The following MCF2L2 variants were observed in gnomAD, a reference collection of about 807,000 sequenced individuals.
MCF2L2 encodes probable guanine nucleotide exchange factor MCF2L2.
Under a neutral mutation model 150.2 loss-of-function variants are expected in MCF2L2, and 102 were observed. The ratio of observed to expected loss-of-function variants is 0.68; its 90% confidence interval spans 0.58 to 0.80. The LOEUF (loss-of-function observed/expected upper bound fraction) is 0.80. Ranked by LOEUF, MCF2L2 falls within the 30% of genes least tolerant of loss-of-function variation. The probability of loss-of-function intolerance (pLI) is 0.00; values close to 1 mark genes in which losing one functional copy is unlikely to be tolerated. For missense variants in MCF2L2, 1,256 were observed against 1,372.8 expected (o/e 0.91, Z 1.34); for synonymous variants, 465 against 491.3 (o/e 0.95, Z 0.71).
intron 15 of MCF2L2, among the ~76,000 whole-genome samples, chr3:183,239,261 G>T (rs1413926859): frequency 2.6e-5 from 4 of 152,082 alleles, no homozygotes; most frequent in Non-Finnish European, 5.9e-5. Context: ...TTTGCTTTAC[G>T]TTTCAAAACA....
chr3:183,289,011 T>G (rs1727961871), intron 14 of MCF2L2, 109 bp downstream of exon 14: 11 of 731,686 alleles, frequency 1.5e-5, no homozygotes, highest in Non-Finnish European at 2.4e-5. Flanking sequence ...CTGTGCTATG[T>G]GCCTTAGGTA....
Position 183,207,808 on chromosome 3 carries a change from G to A in MCF2L2, c.2512C>T (p.Leu838=), listed in dbSNP as rs140138240. The change falls in exon 23 of 30, where the codon CTA becomes TTA. Residue 838 remains leucine, a synonymous_variant. Coordinates refer to ENST00000328913, the MANE Select transcript of MCF2L2 (RefSeq NM_015078.4). ...GGGCCGTGCAGCAACAGCTTGCCTA[G>A]TTTTCCAATATCGTCCTTTTGGAAA... ...VTECPDDIGK[L]GKLLLHGPFS... is the part of the protein sequence containing the mutation. 60 of 1,613,920 alleles carry A rather than the reference G, an allele frequency of 3.7e-5. No individual in the cohort carries two copies. In the African/African-American group the frequency reaches 7.7e-4, roughly 21 times the overall value.
Position 183,219,915 on chromosome 3 carries a change from C to G in MCF2L2, c.2311G>C (p.Asp771His), listed in dbSNP as rs752382981. 1.2e-6 allele frequency: 2 copies of G among 1,612,944 alleles called. No individual in the cohort carries two copies. The highest frequency in any genetic ancestry group is 2.7e-5 in the African/African-American group (2 of 74,890). Reference protein sequence around the residue: ...KYQMLLKGLLDFESPEDMEID... With the variant: ...KYQMLLKGLLHFESPEDMEID... ...TCCATATCTTCAGGAGACTCGAAAT[C>G]CAGCAGACCCTGCATTAACCCAAAA... Residue 771 changes from aspartate to histidine, a missense_variant, in exon 21 of 30, where the codon GAT (aspartate) becomes CAT (histidine). Transcript: ENST00000328913.
Position 183,402,420 on chromosome 3 carries a change from T to C in MCF2L2, c.77-12641A>G, listed in dbSNP as rs185360994. Among the ~76,000 whole-genome samples, 107 of 137,792 alleles carry C rather than the reference T, an allele frequency of 7.8e-4. 1 individual carries two copies. The highest frequency in any genetic ancestry group is 2.7e-3 in the African/African-American group (104 of 38,130). 90.4% of individuals were successfully genotyped at this position (137,792 alleles called of 152,430 possible). A position where few individuals can be genotyped will look rare whatever the true frequency, so the allele number is the denominator to read the frequency against. On this transcript the variant is annotated intron_variant, in intron 1 of 29. Transcript: ENST00000328913. ...AGTGAGCCGAGATCACGCCACTGCA[T>C]TCCAGCCTGGGCTACAGAGCGAGAC...
chr3:183,232,572 G>T (rs1723609175), intron 15 of MCF2L2, among the ~76,000 whole-genome samples: 1 of 152,062 alleles, frequency 6.6e-6, no homozygotes, highest in Non-Finnish European at 1.5e-5. Context: ...ATTTATTCTT[G>T]TTAACTATTG....
intron 5 of MCF2L2, among the ~76,000 whole-genome samples, chr3:183,332,033 A>C (rs1222321989): frequency 1.3e-5 from 2 of 152,206 alleles, no homozygotes; most frequent in African/African-American, 2.4e-5. Flanking sequence ...AAATGTAATT[A>C]TCTAACTAGA....
chr3:183,341,403 C>T, intron 4 of MCF2L2, 137 bp downstream of exon 4: 1 of 669,396 alleles, frequency 1.5e-6, no homozygotes, highest in South Asian at 1.8e-5. Flanking sequence ...AGGGATGTGA[C>T]ATAACAGCAC....
At chr3:183,229,552 A>G (rs886622424) in intron 17 of MCF2L2, 114 bp downstream of exon 17, 8 of 567,586 alleles carry the variant, frequency 1.4e-5, no homozygotes, top group South Asian at 2.4e-5. Flanking sequence ...CTGACTCCAA[A>G]CCACTTGCTT....
Position 183,323,755 on chromosome 3 carries a change from C to T in MCF2L2, c.487-404G>A, listed in dbSNP as rs866886449. Reference sequence around the variant, plus strand: ...AAGGCTGCAGCAAACAGTGATCGCACCATGGCACTCCAGCCTGGGCGACAG... The same window carrying T: ...AAGGCTGCAGCAAACAGTGATCGCATCATGGCACTCCAGCCTGGGCGACAG... On this transcript the variant is annotated intron_variant, in intron 5 of 29. Transcript: ENST00000328913. Among the ~76,000 whole-genome samples, 19 of 151,050 alleles carry T rather than the reference C, an allele frequency of 1.3e-4. 1 individual carries two copies. The Middle Eastern group carries it at 0.01, about 81-fold the overall frequency.
chr3:183,193,522 T>C (rs528777274), intron 26 of MCF2L2, among the ~76,000 whole-genome samples: 29 of 152,230 alleles, frequency 1.9e-4, no homozygotes, highest in African/African-American at 7.0e-4. Flanking sequence ...AGCTAATTTT[T>C]GTATTTTTAG....
At chr3:183,425,697 C>T (rs1716126010) in intron 1 of MCF2L2, among the ~76,000 whole-genome samples, 2 of 152,114 alleles carry the variant, frequency 1.3e-5, no homozygotes, top group Admixed American at 1.3e-4. Flanking sequence ...ATGATCCTCT[C>T]TCACTTTGGG....
Position 183,179,703 on chromosome 3 carries a change from G to A in MCF2L2, c.3106-11C>T, listed in dbSNP as rs758678139. ...GAAAAGGCCCGCGAGCTGGAAGGGA[G>A]GGGACGGGTGCACCCTCAGAGTTAT... On this transcript the variant is annotated splice_polypyrimidine_tract_variant and intron_variant, in intron 28 of 29. Transcript: ENST00000328913. The surrounding 1 kb of genome is among the most constrained non-coding windows in gnomAD (Gnocchi z 4.2). The A allele has an allele frequency of 1.2e-6, 2 of 1,608,724 alleles. No individual in the cohort carries two copies. The highest frequency in any genetic ancestry group is 2.2e-5 in the East Asian group (1 of 44,842).
At chr3:183,309,627 A>G (rs1223187057) in intron 10 of MCF2L2, 89 bp downstream of exon 10, 1 of 1,568,470 alleles carries the variant, frequency 6.4e-7, no homozygotes, top group Admixed American at 1.7e-5. Context: ...TGTGTCCTTT[A>G]GCAACCTTCC....
At position 183,267,396 on chromosome 3, in the gene MCF2L2, G is replaced by GA. The variant is rs1726257994; in HGVS notation, c.1862+9475dup. ...TGGCCTTTGCCTCCACCCTGATGTG[G>GA]AGTGATCATGGGGGTGGGAAATATA... On this transcript the variant is annotated intron_variant, in intron 15 of 29. Transcript: ENST00000328913. The surrounding 1 kb of genome is among the most constrained non-coding windows in gnomAD (Gnocchi z 5.5). 1.3e-5 allele frequency among the ~76,000 whole-genome samples: 2 copies of GA among 152,234 alleles called. No individual in the cohort carries two copies. Among genetic ancestry groups the GA allele is most frequent in the Admixed American group, 1.3e-4 (2 of 15,284 alleles).
At chr3:183,273,276 T>G in intron 15 of MCF2L2, 1 of 342,216 alleles carries the variant, frequency 2.9e-6, no homozygotes, top group East Asian at 4.5e-5. Context: ...ATTGTTAATT[T>G]TATACCAAAA....
intron 15 of MCF2L2, among the ~76,000 whole-genome samples, chr3:183,256,717 C>G (rs967298553): frequency 6.6e-6 from 1 of 152,288 alleles, no homozygotes; most frequent in African/African-American, 2.4e-5. Context: ...TCATAGTGCT[C>G]TAAGCAAAGT....
At position 183,305,265 on chromosome 3, in the gene MCF2L2, C is replaced by T. The variant is rs1036532626; in HGVS notation, c.1113+4451G>A. On this transcript the variant is annotated intron_variant, in intron 10 of 29. Transcript: ENST00000328913. This position sits in a 1 kb window ranked among gnomAD's most constrained non-coding sequence, Gnocchi z 4.1. ...TAGAGACCTCATTTGGTTGCTCGAA[C>T]TTGTCTGACTTTAGTCAAATATAGA... Among the ~76,000 whole-genome samples the T allele has an allele frequency of 1.3e-5, 2 of 151,960 alleles. No homozygotes were observed. The highest frequency in any genetic ancestry group is 4.8e-5 in the African/African-American group (2 of 41,304).
rs1192221637 is a variant in MCF2L2 at position 183,209,233 on chromosome 3, A to G, written c.2497-1410T>C. Reference sequence around the variant, plus strand: ...TTTAAATCCATTCAATTCATAATCAATATCGACATAAATAGTGCAGGAAAT... The same window carrying G: ...TTTAAATCCATTCAATTCATAATCAGTATCGACATAAATAGTGCAGGAAAT... On this transcript the variant is annotated intron_variant, in intron 22 of 29. Coordinates refer to ENST00000328913, the MANE Select transcript of MCF2L2 (RefSeq NM_015078.4). 2.0e-5 allele frequency among the ~76,000 whole-genome samples: 3 copies of G among 152,242 alleles called. No homozygotes were observed. The East Asian group carries it at 5.8e-4, about 29-fold the overall frequency.
Position 183,401,397 on chromosome 3 carries a change from C to G in MCF2L2, c.77-11618G>C, listed in dbSNP as rs148120387. On this transcript the variant is annotated intron_variant, in intron 1 of 29. Transcript: ENST00000328913. Reference sequence around the variant, plus strand: ...CAGAGTAAGCCTTGCCATTGGCCAACAAGAAACTGGAAGACTTTTTTAAAA... The same window carrying G: ...CAGAGTAAGCCTTGCCATTGGCCAAGAAGAAACTGGAAGACTTTTTTAAAA... Among the ~76,000 whole-genome samples the G allele has an allele frequency of 1.6e-3, 237 of 152,064 alleles. 1 individual carries two copies. The highest frequency in any genetic ancestry group is 5.3e-3 in the African/African-American group (218 of 41,470).
Sources: gnomAD v4.1 joint callset for allele counts (sites outside exome capture counted in the v4.1 genomes callset) on GRCh38, gnomAD v4.1.1 for gene constraint, Gnocchi (gnomAD v3.1) non-coding constraint, MANE v1.5 for transcripts, NCBI Gene and HGNC (gene_info 2026-07-23, HGNC 2026-07-21) for gene names.